Variants in FGF13 observed in about 807,000 individuals in gnomAD.
FGF13 encodes fibroblast growth factor 13.
A neutral mutation model predicts 19.5 loss-of-function variants in FGF13; 2 were observed. The ratio of observed to expected loss-of-function variants is 0.10; its 90% CI spans 0.04 to 0.32. FGF13 has a LOEUF of 0.32. Among genes scored for constraint, FGF13 ranks in the 10% least tolerant of loss-of-function variants. The pLI is 1.00. For missense variants in FGF13, 113 were observed against 192.7 expected (o/e 0.59, Z 2.45); for synonymous variants, 72 against 76.9 (o/e 0.94, Z 0.33).
chrX:139,169,112 T>C (rs1371068319), intron 1 of FGF13, among the ~76,000 whole-genome samples: 1 of 112,169 alleles, frequency 8.9e-6, no homozygotes, highest in Non-Finnish European at 1.9e-5. Flanking sequence ...GTATCATTCA[T>C]GTTTCATGGA....
chrX:139,134,719 G>A (rs1196306989), intron 1 of FGF13, among the ~76,000 whole-genome samples: 1 of 112,090 alleles, frequency 8.9e-6, no homozygotes, highest in Non-Finnish European at 1.9e-5. Context: ...AAAGAAAGCA[G>A]TGAGTTGCAA....
At chrX:138,697,140 G>A (rs1033953586) in intron 3 of FGF13, among the ~76,000 whole-genome samples, 21 of 111,677 alleles carry the variant, frequency 1.9e-4, no homozygotes, top group Non-Finnish European at 3.4e-4. Context: ...GCAAATCTAA[G>A]TTGTCAAAGA....
At chrX:138,817,505 A>G (rs1224306421) in intron 3 of FGF13, among the ~76,000 whole-genome samples, 1 of 112,201 alleles carries the variant, frequency 8.9e-6, no homozygotes, top group Non-Finnish European at 1.9e-5. Flanking sequence ...GCTAAACTTT[A>G]TATAATTTTG....
chrX:138,673,949 TTC>T (rs1337888989), intron 3 of FGF13, among the ~76,000 whole-genome samples: 2 of 111,345 alleles, frequency 1.8e-5, no homozygotes, highest in Non-Finnish European at 3.8e-5. Flanking sequence ...TGTTCTGACT[TTC>T]TGTTTTCTCT....
At chrX:139,132,294 C>T (rs1407527688) in intron 1 of FGF13, among the ~76,000 whole-genome samples, 1 of 111,697 alleles carries the variant, frequency 9.0e-6, no homozygotes, top group Admixed American at 9.6e-5. Context: ...AATGTATCTT[C>T]CTCCAAGCAC....
At chrX:139,085,427 C>G (rs922689545) in intron 1 of FGF13, among the ~76,000 whole-genome samples, 1 of 111,896 alleles carries the variant, frequency 8.9e-6, no homozygotes, top group African/African-American at 3.2e-5. Flanking sequence ...AGCACAATGC[C>G]TGGCACATAT....
chrX:138,783,757 C>T (rs1361974873), intron 3 of FGF13, among the ~76,000 whole-genome samples: 29 of 107,772 alleles, frequency 2.7e-4, no homozygotes, highest in Non-Finnish European at 4.3e-4. Flanking sequence ...GTCAGTGTGG[C>T]GATTCCTCAG....
chrX:139,133,073 C>T (rs1369168849), intron 1 of FGF13, among the ~76,000 whole-genome samples: 2 of 111,365 alleles, frequency 1.8e-5, no homozygotes, highest in East Asian at 5.6e-4. Context: ...GGATTTCTTA[C>T]TGCAAAATCT....
chrX:138,717,716 A>C (rs1032718147), intron 1 of FGF13, among the ~76,000 whole-genome samples: 8 of 111,655 alleles, frequency 7.2e-5, no homozygotes, highest in African/African-American at 2.6e-4. Context: ...CCTGGGCTCA[A>C]GCCATGTCCC....
intron 1 of FGF13, among the ~76,000 whole-genome samples, chrX:138,723,082 A>G (rs911234434): frequency 1.0e-5 from 1 of 97,804 alleles, no homozygotes; most frequent in African/African-American, 3.7e-5. Context: ...GGATGGTGGA[A>G]GTAGGATACT....
chrX:138,842,160 A>G (rs2091153631), intron 3 of FGF13, among the ~76,000 whole-genome samples: 1 of 112,031 alleles, frequency 8.9e-6, no homozygotes, highest in Admixed American at 9.5e-5. Context: ...GAATGAGCTT[A>G]TATTTGAGCC....
At chrX:139,186,959 A>G (rs1364083956) in intron 1 of FGF13, among the ~76,000 whole-genome samples, 1 of 112,250 alleles carries the variant, frequency 8.9e-6, no homozygotes, top group Non-Finnish European at 1.9e-5. Flanking sequence ...GGCATCTGCT[A>G]TTACAGCACT....
intron 1 of FGF13, among the ~76,000 whole-genome samples, chrX:139,140,492 A>G (rs1490485718): frequency 1.8e-5 from 2 of 111,087 alleles, no homozygotes; most frequent in Non-Finnish European, 3.8e-5. Context: ...CAGTCTCCTA[A>G]TGTATCTACT....
chrX:139,086,737 G>A (rs914299276), intron 1 of FGF13, among the ~76,000 whole-genome samples: 4 of 111,939 alleles, frequency 3.6e-5, no homozygotes, highest in African/African-American at 1.3e-4. Context: ...TATGTGTTGC[G>A]TGAATTTCAC....
chrX:139,050,499 A>G (rs1470337083), intron 1 of FGF13, among the ~76,000 whole-genome samples: 3 of 111,767 alleles, frequency 2.7e-5, no homozygotes, highest in African/African-American at 9.8e-5. Context: ...ATAGAGTAAA[A>G]AGCAAAAATG....
At chrX:138,795,209 C>G (rs991965659) in intron 3 of FGF13, among the ~76,000 whole-genome samples, 1 of 111,937 alleles carries the variant, frequency 8.9e-6, no homozygotes, top group South Asian at 3.7e-4. Context: ...TCTTTATTGA[C>G]CAGCTAAAAA....
intron 3 of FGF13, among the ~76,000 whole-genome samples, chrX:138,791,764 GA>G (rs756905674): frequency 4.5e-5 from 5 of 111,863 alleles, no homozygotes; most frequent in African/African-American, 9.8e-5. Flanking sequence ...CATTCAGCTA[GA>G]AAAGTAAATG....
intron 3 of FGF13, among the ~76,000 whole-genome samples, chrX:138,845,573 A>G (rs996107209): frequency 9.0e-6 from 1 of 111,706 alleles, no homozygotes; most frequent in African/African-American, 3.3e-5. Flanking sequence ...ATTTAAATGG[A>G]GTCCTGACTG....
intron 1 of FGF13, among the ~76,000 whole-genome samples, chrX:138,875,829 G>GAGT (rs2091385782): frequency 9.0e-6 from 1 of 111,634 alleles, no homozygotes; most frequent in Non-Finnish European, 1.9e-5. Flanking sequence ...CAATGGACTA[G>GAGT]AATTACATCA....
Sources: allele counts gnomAD v4.1 joint callset (sites outside exome capture counted in the v4.1 genomes callset), GRCh38; gene constraint gnomAD v4.1.1; transcripts MANE v1.5; gene names NCBI Gene and HGNC (gene_info 2026-07-23, HGNC 2026-07-21).